The following RIT2 variants were observed in gnomAD, a reference collection of about 807,000 sequenced individuals.
The protein encoded by RIT2 is GTP-binding protein Rit2.
RIT2 carries 24 observed loss-of-function variants against 23.7 expected under a neutral mutation model. The ratio of observed to expected loss-of-function variants is 1.01; its 90% CI spans 0.73 to 1.43. The LOEUF (loss-of-function observed/expected upper bound fraction) is 1.43, where lower values mean the gene tolerates loss of function less well. RIT2 is among the 40% of genes most tolerant of loss of function. The pLI is 0.00. For missense variants in RIT2, 236 were observed against 266.9 expected (o/e 0.88, Z 0.81); for synonymous variants, 107 against 91.1 (o/e 1.17, Z -0.99).
At chr18:42,783,054 G>T (rs181937084) in intron 4 of RIT2, among the ~76,000 whole-genome samples, 30 of 152,234 alleles carry the variant, frequency 2.0e-4, no homozygotes, top group African/African-American at 7.2e-4. Context: ...GTACTACAAA[G>T]TCGATAGATG....
intron 4 of RIT2, among the ~76,000 whole-genome samples, chr18:42,791,069 T>C (rs1914032574): frequency 6.6e-6 from 1 of 152,208 alleles, no homozygotes; most frequent in African/African-American, 2.4e-5. Flanking sequence ...GAATAAGCAA[T>C]CTAATGTGGC....
In RIT2 at chr18:42,888,318, G is replaced by GT. The variant is rs576882583; in HGVS notation, c.426+35253dup. Among the ~76,000 whole-genome samples, 153 of 150,768 alleles carry GT rather than the reference G, an allele frequency of 1.0e-3. 1 individual carries two copies. The highest frequency in any genetic ancestry group is 9.7e-3 in the South Asian group (46 of 4,744). On this transcript the variant is annotated intron_variant, in intron 4 of 4. Transcript: ENST00000326695. ...TAAAACTTCTCTAAAAAAACAAAGG[G>GT]TTTTTTTTTGTTTGTTTGTTTGGTT... is the stretch of plus-strand genomic sequence containing the variant.
chr18:42,967,702 C>A (rs1178405989), intron 3 of RIT2, among the ~76,000 whole-genome samples: 3 of 151,106 alleles, frequency 2.0e-5, no homozygotes, highest in African/African-American at 7.3e-5. Flanking sequence ...AAAGTTTTTT[C>A]TAAAATTTCA....
intron 4 of RIT2, among the ~76,000 whole-genome samples, chr18:42,912,929 T>C (rs1908807970): frequency 6.6e-6 from 1 of 151,896 alleles, no homozygotes; most frequent in African/African-American, 2.4e-5. Flanking sequence ...AACAAAGAAA[T>C]ATTAAGCATT....
intron 4 of RIT2, among the ~76,000 whole-genome samples, chr18:42,866,221 C>A (rs149659696): frequency 4.6e-5 from 7 of 152,156 alleles, no homozygotes; most frequent in African/African-American, 1.7e-4. Context: ...TAATAGATAC[C>A]TTAAACTAAT....
intron 4 of RIT2, among the ~76,000 whole-genome samples, chr18:42,832,636 TAC>T (rs1383795545): frequency 1.3e-5 from 2 of 152,248 alleles, no homozygotes; most frequent in Non-Finnish European, 2.9e-5. Flanking sequence ...GGATATCTGC[TAC>T]CTCAAACATT....
chr18:42,864,498 C>T (rs967799697), intron 4 of RIT2, among the ~76,000 whole-genome samples: 3 of 152,122 alleles, frequency 2.0e-5, no homozygotes, highest in African/African-American at 4.8e-5. Flanking sequence ...TGGGAAATAG[C>T]CAGACATCTG....
chr18:42,864,153 A>G (rs921792478), intron 4 of RIT2, among the ~76,000 whole-genome samples: 2 of 152,108 alleles, frequency 1.3e-5, no homozygotes, highest in African/African-American at 4.8e-5. Context: ...AATCACTCAC[A>G]TCTACCTGTT....
chr18:43,063,813 T>A (rs1202651561), intron 1 of RIT2, among the ~76,000 whole-genome samples: 2 of 152,118 alleles, frequency 1.3e-5, no homozygotes, highest in Admixed American at 6.6e-5. Flanking sequence ...TGTCAGTAAG[T>A]CAAAAGTGGG....
chr18:43,113,901 T>G (rs1914008879), intron 1 of RIT2, among the ~76,000 whole-genome samples: 1 of 152,146 alleles, frequency 6.6e-6, no homozygotes. Context: ...AAATCTGTTT[T>G]TCTCTCTTCT....
chr18:43,069,846 C>G (rs1912858741), intron 1 of RIT2, among the ~76,000 whole-genome samples: 1 of 152,040 alleles, frequency 6.6e-6, no homozygotes, highest in Admixed American at 6.6e-5. Flanking sequence ...AGCACAGATG[C>G]CACTTCCTCA....
chr18:42,863,166 T>G (rs2144052135), intron 4 of RIT2, among the ~76,000 whole-genome samples: 1 of 152,252 alleles, frequency 6.6e-6, no homozygotes, highest in South Asian at 2.1e-4. Flanking sequence ...CATCCTCTGG[T>G]CACAGATTAT....
intron 2 of RIT2, among the ~76,000 whole-genome samples, chr18:43,028,385 T>C (rs1277395688): frequency 3.9e-5 from 6 of 151,988 alleles, no homozygotes; most frequent in Non-Finnish European, 1.5e-5. Context: ...AAGAGGTTGC[T>C]TGGCATATTT....
At chr18:42,797,343 A>AC (rs1226179903) in intron 4 of RIT2, among the ~76,000 whole-genome samples, 1 of 152,086 alleles carries the variant, frequency 6.6e-6, no homozygotes, top group Non-Finnish European at 1.5e-5. Context: ...ACTTTCATTC[A>AC]CCCAAAGCAC....
chr18:42,999,601 C>T (rs911858048), intron 2 of RIT2, among the ~76,000 whole-genome samples: 24 of 151,896 alleles, frequency 1.6e-4, no homozygotes, highest in South Asian at 8.3e-4. Flanking sequence ...TTCCAAAAAT[C>T]GAAATGGCCC....
At chr18:42,967,955 T>G (rs1192515270) in intron 3 of RIT2, among the ~76,000 whole-genome samples, 1 of 152,128 alleles carries the variant, frequency 6.6e-6, no homozygotes, top group East Asian at 1.9e-4. Flanking sequence ...GAAACCCAGT[T>G]TTAGTTCTTA....
chr18:42,850,910 C>G (rs1160841987), intron 4 of RIT2, among the ~76,000 whole-genome samples: 1 of 152,126 alleles, frequency 6.6e-6, no homozygotes, highest in African/African-American at 2.4e-5. Flanking sequence ...TGTTCTGTCA[C>G]CATAACATAC....
intron 4 of RIT2, among the ~76,000 whole-genome samples, chr18:42,909,429 T>C (rs1430723119): frequency 6.6e-6 from 1 of 152,070 alleles, no homozygotes; most frequent in Non-Finnish European, 1.5e-5. Context: ...AACATAACCA[T>C]GTAATCAAAA....
At chr18:42,995,309 T>C (rs1910954132) in intron 2 of RIT2, among the ~76,000 whole-genome samples, 1 of 151,734 alleles carries the variant, frequency 6.6e-6, no homozygotes, top group African/African-American at 2.4e-5. Context: ...CTCGAAGATT[T>C]GCCCCCACCC....
Sources: gnomAD v4.1 joint callset for allele counts (sites outside exome capture counted in the v4.1 genomes callset) on GRCh38, gnomAD v4.1.1 for gene constraint, MANE v1.5 for transcripts, NCBI Gene and HGNC (gene_info 2026-07-23, HGNC 2026-07-21) for gene names.